CLASP1: variants seen among roughly 807,000 people sequenced by gnomAD.
CLASP1 encodes CLIP-associating protein 1.
CLASP1 carries 38 observed loss-of-function variants against 192.3 expected under a neutral mutation model. The ratio of observed to expected loss-of-function variants is 0.20; its 90% CI spans 0.15 to 0.26. The LOEUF (loss-of-function observed/expected upper bound fraction) is 0.26. CLASP1 is among the 10% of genes least tolerant of loss of function. CLASP1 has a pLI of 1.00. For missense variants in CLASP1, 1,433 were observed against 1,932.5 expected, an observed-to-expected ratio of 0.74 and a Z score of 4.85; for synonymous variants, 691 against 712.8, an observed-to-expected ratio of 0.97 and a Z score of 0.49.
At chr2:121,628,873 C>A (rs1223234586) in intron 1 of CLASP1, among the ~76,000 whole-genome samples, 4 of 140,742 alleles carry the variant, frequency 2.8e-5, no homozygotes, top group African/African-American at 8.0e-5. Context: ...CCTGACAGAG[C>A]GAGACTCCAT....
chr2:121,610,988 T>C (rs1165445894), intron 1 of CLASP1, among the ~76,000 whole-genome samples: 1 of 54,316 alleles, frequency 1.8e-5, no homozygotes, highest in Non-Finnish European at 3.8e-5. Flanking sequence ...GAAGAGGAAC[T>C]GGAGGAGGAG....
chr2:121,586,294 T>C (rs1374491234), intron 2 of CLASP1, among the ~76,000 whole-genome samples: 1 of 152,084 alleles, frequency 6.6e-6, no homozygotes, highest in Non-Finnish European at 1.5e-5. Flanking sequence ...GCCCAGCTAA[T>C]TTTTGTATTT....
At chr2:121,448,855 G>T in intron 17 of CLASP1, 98 bp downstream of exon 17, 2 of 1,217,974 alleles carry the variant, frequency 1.6e-6, no homozygotes, top group Non-Finnish European at 2.3e-6. Flanking sequence ...GTTTTAACAA[G>T]CACCCATGTA....
chr2:121,347,159 A>G lies in CLASP1; in HGVS notation c.4414-5T>C, dbSNP rs1235176526. 3.2e-6 allele frequency: 5 copies of G among 1,552,176 alleles called. No homozygotes were observed. The highest frequency in any genetic ancestry group is 1.9e-5 in the Admixed American group (1 of 52,554). ...ACTTTCGGTGTTGTCATAACCCTAG[A>G]GAGCCAGAAGGGAACACGAAAAGGA... On this transcript the variant is annotated splice_polypyrimidine_tract_variant and splice_region_variant and intron_variant, in intron 38 of 39. Coordinates refer to ENST00000263710, the Ensembl canonical transcript of CLASP1.
intron 28 of CLASP1, among the ~76,000 whole-genome samples, chr2:121,400,534 C>G (rs1037656481): frequency 6.6e-6 from 1 of 152,166 alleles, no homozygotes; most frequent in Non-Finnish European, 1.5e-5. Flanking sequence ...CCCCTGCCCC[C>G]ACAGGAGGTG....
chr2:121,371,874 G>A (rs2068815354), intron 34 of CLASP1, among the ~76,000 whole-genome samples: 1 of 152,126 alleles, frequency 6.6e-6, no homozygotes, highest in South Asian at 2.1e-4. Context: ...CATCTGAAAT[G>A]CCCTTTGATC....
chr2:121,411,593 GATAAT>G (rs1287277691), intron 23 of CLASP1, among the ~76,000 whole-genome samples: 5 of 152,186 alleles, frequency 3.3e-5, no homozygotes, highest in East Asian at 1.9e-4. Context: ...TAAAAATTTA[GATAAT>G]ATAAGTTTTA....
At chr2:121,531,953 C>T (rs1350345463) in intron 2 of CLASP1, among the ~76,000 whole-genome samples, 1 of 152,204 alleles carries the variant, frequency 6.6e-6, no homozygotes, top group Non-Finnish European at 1.5e-5. Flanking sequence ...CCGTATGAAG[C>T]AGTTTTGCAC....
chr2:121,640,031 T>C (rs1027079105), intron 1 of CLASP1, among the ~76,000 whole-genome samples: 2 of 152,154 alleles, frequency 1.3e-5, no homozygotes, highest in Admixed American at 6.5e-5. Context: ...CATGGAATAC[T>C]ATGCAGCCAT....
chr2:121,450,308 G>A (rs937369557), intron 16 of CLASP1, among the ~76,000 whole-genome samples: 25 of 150,932 alleles, frequency 1.7e-4, no homozygotes, highest in Non-Finnish European at 2.9e-4. Context: ...TCCAGCCTGG[G>A]CAACAAAATG....
chr2:121,542,878 C>T (rs566400842), intron 2 of CLASP1, among the ~76,000 whole-genome samples: 2 of 152,168 alleles, frequency 1.3e-5, no homozygotes, highest in African/African-American at 4.8e-5. Flanking sequence ...TGGCAAGTCA[C>T]ACTAGGAGAC....
At chr2:121,580,533 A>G (rs772022801) in intron 2 of CLASP1, among the ~76,000 whole-genome samples, 7 of 152,174 alleles carry the variant, frequency 4.6e-5, no homozygotes, top group Admixed American at 6.5e-5. Context: ...CCTTTGCTGT[A>G]TTTAAATTTT....
chr2:121,478,188 A>AGTTGTC (rs1377750428), intron 8 of CLASP1, among the ~76,000 whole-genome samples: 2 of 152,190 alleles, frequency 1.3e-5, no homozygotes, highest in African/African-American at 4.8e-5. Flanking sequence ...TATACATCAT[A>AGTTGTC]GTTGTCATAT....
At chr2:121,384,482 C>G (rs2072728695) in intron 32 of CLASP1, among the ~76,000 whole-genome samples, 1 of 151,970 alleles carries the variant, frequency 6.6e-6, no homozygotes, top group South Asian at 2.1e-4. Context: ...GTCACGGTGT[C>G]CAGCCACTAG....
At chr2:121,571,140 T>C (rs1330557638) in intron 2 of CLASP1, among the ~76,000 whole-genome samples, 2 of 151,818 alleles carry the variant, frequency 1.3e-5, no homozygotes, top group East Asian at 1.9e-4. Flanking sequence ...GAGACACTTA[T>C]TATGCAGCTT....
At chr2:121,449,429 C>T (rs1975305) in intron 16 of CLASP1, among the ~76,000 whole-genome samples, 66,220 of 152,018 alleles carry the variant, frequency 0.44, 17,741 homozygotes, top group African/African-American at 0.76. Flanking sequence ...CATCTAAGAC[C>T]ATACCTAGAA....
At chr2:121,412,599 T>TA (rs1487772244) in intron 23 of CLASP1, among the ~76,000 whole-genome samples, 156 of 149,478 alleles carry the variant, frequency 1.0e-3, no homozygotes, top group African/African-American at 3.6e-3. Flanking sequence ...CTAATAAAAT[T>TA]TAAAAAAAAA....
At chr2:121,450,568 T>A (rs1373333431) in intron 16 of CLASP1, among the ~76,000 whole-genome samples, 30 of 152,144 alleles carry the variant, frequency 2.0e-4, no homozygotes, top group Non-Finnish European at 8.8e-5. Context: ...TGACCAAGAT[T>A]TTTCATGGTA....
chr2:121,445,489 T>C, intron 19 of CLASP1: 1 of 1,289,244 alleles, frequency 7.8e-7, no homozygotes, highest in Non-Finnish European at 1.0e-6. Context: ...CCCTCATGTG[T>C]CTGGACTCTA....
Sources: allele counts gnomAD v4.1 joint callset (sites outside exome capture counted in the v4.1 genomes callset), GRCh38; gene constraint gnomAD v4.1.1; transcripts MANE v1.5; gene names NCBI Gene and HGNC (gene_info 2026-07-23, HGNC 2026-07-21).